Variants in LRCH4 observed in about 807,000 individuals in gnomAD.
LRCH4 encodes the protein leucine-rich repeat and calponin homology domain-containing protein 4.
A neutral mutation model predicts 81.2 loss-of-function variants in LRCH4; 56 were observed. That is an observed-to-expected ratio of 0.69 (90% CI 0.56 to 0.86). LRCH4 has a LOEUF of 0.86. LRCH4 is among the 40% of genes least tolerant of loss of function. The pLI is 0.00. For synonymous variants in LRCH4, 442 were observed against 409.7 expected, an observed-to-expected ratio of 1.08 and a Z score of -0.95; for missense variants, 895 against 922.8, an observed-to-expected ratio of 0.97 and a Z score of 0.39.
rs1801639006 is a variant in LRCH4, at chr7:100,583,974, T to C, written c.221-1515A>G. The C allele has an allele frequency of 9.2e-5, 33 of 359,236 alleles. No homozygotes were observed. The highest frequency in any genetic ancestry group is 6.2e-4 in the South Asian group (31 of 49,618). 22.3% of individuals were successfully genotyped at this position (359,236 alleles called of 1,614,324 possible). ...GGATGTGGTCTGGGAGAGAATGAGCTGCACTTCTCCTTTGCAAGATGGCCC... is the reference window on the plus strand; with the variant it reads ...GGATGTGGTCTGGGAGAGAATGAGCCGCACTTCTCCTTTGCAAGATGGCCC... On this transcript the variant is annotated intron_variant, in intron 1 of 17. Transcript: ENST00000310300. This position sits in a 1 kb window ranked among gnomAD's most constrained non-coding sequence, Gnocchi z 4.3.
rs1199372438 is a variant in LRCH4, at chr7:100,577,521, T to C, written c.1154A>G (p.Asp385Gly). ...CCTGCTGCTTGGTGCCCTCTCCCTG[T>C]CCCCTGCCCCAGGGCTTAATTCGGG... ...RPPELSPGAG[D>G]RERAPSSRRE... is the part of the protein sequence containing the mutation. The change falls in exon 10 of 18, where the codon GAC (aspartate) becomes GGC (glycine). Residue 385 changes from aspartate (D) to glycine (G), a missense_variant. By Grantham distance (94) the Asp-to-Gly change is moderately conservative. Coordinates refer to ENST00000310300, the MANE Select transcript of LRCH4 (RefSeq NM_002319.5). The surrounding 1 kb of genome is among the most constrained non-coding windows in gnomAD (Gnocchi z 6.7). 3 of 1,609,956 alleles carry C rather than the reference T, an allele frequency of 1.9e-6. No homozygotes were observed. The East Asian group carries it at 6.7e-5, about 36-fold the overall frequency.
Position 100,575,318 on chromosome 7 carries a change from G to A in LRCH4, c.1855-14C>T, listed in dbSNP as rs1009742383. On this transcript the variant is annotated splice_polypyrimidine_tract_variant and intron_variant, in intron 17 of 17. Coordinates refer to ENST00000310300, the MANE Select transcript of LRCH4 (RefSeq NM_002319.5). The surrounding 1 kb of genome is among the most constrained non-coding windows in gnomAD (Gnocchi z 5.3). Reference sequence around the variant, plus strand: ...GCACAGGTCAGCCTGGGGGAGAGGAGAGCAGGTGGACAAGGACAAGGGACA... The same window carrying A: ...GCACAGGTCAGCCTGGGGGAGAGGAAAGCAGGTGGACAAGGACAAGGGACA... 2 of 1,529,344 alleles carry A rather than the reference G, an allele frequency of 1.3e-6. No individual in the cohort carries two copies. The highest frequency in any genetic ancestry group is 2.0e-5 in the Admixed American group (1 of 49,204). The allele number at this position is 1,529,344 out of a possible 1,614,324, so 94.7% of individuals were successfully genotyped here.
chr7:100,575,370 C>T lies in LRCH4; in HGVS notation c.1855-66G>A. On this transcript the variant is annotated intron_variant, in intron 17 of 17. Transcript: ENST00000310300. The surrounding 1 kb of genome is among the most constrained non-coding windows in gnomAD (Gnocchi z 5.3). ...ACGTCAGCAGCAGCAGCAGGACAGT[C>T]CCTCCCACCCCTGCCCTCACGTGCT... is the stretch of plus-strand genomic sequence containing the variant. The T allele has an allele frequency of 7.2e-7, 1 of 1,387,382 alleles. No individual in the cohort carries two copies. Among genetic ancestry groups the T allele is most frequent in the Non-Finnish European group, 9.8e-7 (1 of 1,021,132 alleles). The allele number at this position is 1,387,382 out of a possible 1,614,324, so 85.9% of individuals were successfully genotyped here.
At chr7:100,584,251 G>A (rs908320994) in intron 1 of LRCH4, 5 of 456,494 alleles carry the variant, frequency 1.1e-5, no homozygotes, top group South Asian at 3.1e-5. Context: ...CCCTGCTTGC[G>A]GAGAGGGGAC....
Position 100,577,636 on chromosome 7 carries a change from C to A in LRCH4, c.1116+28G>T, listed in dbSNP as rs367741176. The A allele has an allele frequency of 1.9e-6, 3 of 1,612,910 alleles. No homozygotes were observed. The highest frequency in any genetic ancestry group is 2.5e-6 in the Non-Finnish European group (3 of 1,179,938). On this transcript the variant is annotated intron_variant, in intron 9 of 17. Transcript: ENST00000310300. This position sits in a 1 kb window ranked among gnomAD's most constrained non-coding sequence, Gnocchi z 6.7. ...CTGTCCCCTCCTCCAGCTCCCCTCC[C>A]TTGGGAGAGGCATAGCTGGGCTCTC...
chr7:100,577,330 TCCTGC>T lies in LRCH4; in HGVS notation c.1233_1237del (p.Trp411Ter), dbSNP rs1483787507. ...CTGCTGCTGCTGCCGCCGTTCCCGC[TCCTGC>T]CACAGCTGCAAGGTGTCCGGGCGCC... On this transcript the variant is annotated stop_gained and frameshift_variant, in exon 11 of 18. Transcript: ENST00000310300. LOFTEE classifies it high-confidence loss of function. The surrounding 1 kb of genome is among the most constrained non-coding windows in gnomAD (Gnocchi z 6.7). 1.3e-6 allele frequency: 2 copies of T among 1,598,380 alleles called. No homozygotes were observed. The highest frequency in any genetic ancestry group is 1.7e-5 in the Admixed American group (1 of 59,766).
rs1801583739 is a variant in LRCH4 at position 100,582,291 on chromosome 7, GT to G, written c.365+23del. ...GAGACTGAGAAGCACACGCTCCCAC[GT>G]GGCCCTGGCTCGGCCTCCCTACCTG... On this transcript the variant is annotated intron_variant, in intron 2 of 17. Coordinates refer to ENST00000310300, the MANE Select transcript of LRCH4 (RefSeq NM_002319.5). The surrounding 1 kb of genome is among the most constrained non-coding windows in gnomAD (Gnocchi z 5.0). 1 of 1,613,934 alleles carries G rather than the reference GT, an allele frequency of 6.2e-7. No individual in the cohort carries two copies. Among genetic ancestry groups the G allele is most frequent in the South Asian group, 1.1e-5 (1 of 91,086 alleles).
At chr7:100,576,373 T>C (rs1420389600) in intron 14 of LRCH4, 50 bp from the exon 15 acceptor site, 3 of 1,372,680 alleles carry the variant, frequency 2.2e-6, no homozygotes, top group Non-Finnish European at 3.1e-6. Flanking sequence ...CACCACTGAC[T>C]CTGTAGCTGG....
chr7:100,581,739 A>G (rs1290271448), intron 4 of LRCH4, 38 bp downstream of exon 4: 1 of 1,595,288 alleles, frequency 6.3e-7, no homozygotes, highest in Non-Finnish European at 8.6e-7. Context: ...TGGGACGCAC[A>G]TACAAACACC....
intron 1 of LRCH4, chr7:100,584,326 T>C: frequency 2.3e-6 from 1 of 426,982 alleles, no homozygotes; most frequent in South Asian, 1.6e-5. Context: ...GTGTAGAGAG[T>C]GGGGCAGAGG....
intron 1 of LRCH4, chr7:100,585,058 CG>C (rs1185299785): frequency 3.9e-6 from 1 of 256,120 alleles, no homozygotes; most frequent in African/African-American, 2.3e-5. Context: ...ACAGATCCTG[CG>C]GGTGGAGGCG....
rs1238077132 is a variant in LRCH4 at position 100,583,690 on chromosome 7, C to T, written c.221-1231G>A. Among the ~76,000 whole-genome samples, 1 of 152,206 alleles carries T rather than the reference C, an allele frequency of 6.6e-6. No homozygotes were observed. The highest frequency in any genetic ancestry group is 2.4e-5 in the African/African-American group (1 of 41,452). ...TGATGCCCCGGGACCCCTTTCTCTTCCTCTCTGCCCAGCCCTGGTGCACAG... is the reference window on the plus strand; with the variant it reads ...TGATGCCCCGGGACCCCTTTCTCTTTCTCTCTGCCCAGCCCTGGTGCACAG... On this transcript the variant is annotated intron_variant, in intron 1 of 17. Coordinates refer to ENST00000310300, the MANE Select transcript of LRCH4 (RefSeq NM_002319.5). The surrounding 1 kb of genome is among the most constrained non-coding windows in gnomAD (Gnocchi z 4.3).
chr7:100,580,782 AACAG>A (rs59371959), intron 4 of LRCH4: 12,362 of 151,582 alleles, frequency 0.082, 546 homozygotes, highest in African/African-American at 0.12. Context: ...ACAACACACG[AACAG>A]ACACAGACAC....
chr7:100,581,780 C>T lies in LRCH4; in HGVS notation c.595G>A (p.Glu199Lys), dbSNP rs1245763705. 6.8e-6 allele frequency: 11 copies of T among 1,613,928 alleles called. No homozygotes were observed. Among genetic ancestry groups the T allele is most frequent in the African/African-American group, 2.7e-5 (2 of 74,934 alleles). ...TCCAGTTCTTCATTCTTCTCACCTT[C>T]GGGCAGCGTACTGAGCTGGTTCCTC... ...VRRNQLSTLP[E>K]ELGDLPLVRL... The change falls in exon 4 of 18, where the codon GAA becomes AAA. Residue 199 changes from glutamate to lysine, a missense_variant. Transcript: ENST00000310300.
chr7:100,585,779 C>T (rs1427430548), intron 1 of LRCH4, 102 bp downstream of exon 1: 1 of 1,291,176 alleles, frequency 7.7e-7, no homozygotes, highest in East Asian at 2.8e-5. Flanking sequence ...CAACCCTGGC[C>T]GCCAGGTGAA....
intron 3 of LRCH4, 61 bp from the exon 4 acceptor site, chr7:100,581,943 C>T (rs936565845): frequency 1.9e-6 from 3 of 1,609,274 alleles, no homozygotes; most frequent in African/African-American, 2.7e-5. Context: ...ACCCACCCTC[C>T]CATCTCTGTC....
Position 100,575,048 on chromosome 7 carries a change from G to A in LRCH4, c.*59C>T, listed in dbSNP as rs1801299802. On this transcript the variant is annotated 3_prime_UTR_variant, in exon 18 of 18. Coordinates refer to ENST00000310300, the MANE Select transcript of LRCH4 (RefSeq NM_002319.5). The surrounding 1 kb of genome is among the most constrained non-coding windows in gnomAD (Gnocchi z 5.3). ...GGCACCGCAGGTGGGGTCGGGTGGA[G>A]CAGGGACCTTATAAATAGAGAGGAA... The A allele has an allele frequency of 1.3e-6, 2 of 1,504,188 alleles. No individual in the cohort carries two copies. Among genetic ancestry groups the A allele is most frequent in the Admixed American group, 4.0e-5 (2 of 49,678 alleles). The allele number at this position is 1,504,188 out of a possible 1,614,324, so 93.2% of individuals were successfully genotyped here.
rs1801332715 is a variant in LRCH4 at position 100,575,697 on chromosome 7, C to T, written c.1854+8G>A. ...ATGCCACCACTCTTTAGAAAGCAGC[C>T]CCCATACCTCAGGCACCCCCATTTT... On this transcript the variant is annotated splice_region_variant and intron_variant, in intron 17 of 17. Transcript: ENST00000310300. The surrounding 1 kb of genome is among the most constrained non-coding windows in gnomAD (Gnocchi z 5.3). The T allele has an allele frequency of 1.9e-6, 3 of 1,614,128 alleles. No individual in the cohort carries two copies. The African/African-American group carries it at 4.0e-5, about 22-fold the overall frequency.
rs1225980895 is a variant in LRCH4 at position 100,583,458 on chromosome 7, G to T, written c.221-999C>A. On this transcript the variant is annotated intron_variant, in intron 1 of 17. Coordinates refer to ENST00000310300, the MANE Select transcript of LRCH4 (RefSeq NM_002319.5). This position sits in a 1 kb window ranked among gnomAD's most constrained non-coding sequence, Gnocchi z 4.3. ...CAGCCTGTCCTGGGAGGGGCCCAGGGCCCGCGAGGCGGAGTCCCAGGCCAC... is the reference window on the plus strand; with the variant it reads ...CAGCCTGTCCTGGGAGGGGCCCAGGTCCCGCGAGGCGGAGTCCCAGGCCAC... 3.3e-5 allele frequency among the ~76,000 whole-genome samples: 5 copies of T among 152,174 alleles called. No homozygotes were observed.
Sources: gnomAD v4.1 joint callset for allele counts (sites outside exome capture counted in the v4.1 genomes callset) on GRCh38, gnomAD v4.1.1 for gene constraint, Gnocchi (gnomAD v3.1) non-coding constraint, MANE v1.5 for transcripts, NCBI Gene and HGNC (gene_info 2026-07-23, HGNC 2026-07-21) for gene names.